Variants in HERPUD2 observed in about 807,000 individuals in gnomAD.
The protein encoded by HERPUD2 is homocysteine-responsive endoplasmic reticulum-resident ubiquitin-like domain member 2 protein.
In HERPUD2, 13 loss-of-function variants were observed where a neutral mutation model predicts 49.9. The observed-to-expected ratio is 0.26, with a 90% CI of 0.17 to 0.41. HERPUD2 has a LOEUF of 0.41. HERPUD2 is among the 10% of genes least tolerant of loss of function. The pLI is 1.00. For missense variants in HERPUD2, 449 were observed against 492.2 expected (o/e 0.91, Z 0.83); for synonymous variants, 172 against 171.4 (o/e 1.00, Z -0.03).
chr7:35,639,039 T>C (rs867304171), intron 5 of HERPUD2, among the ~76,000 whole-genome samples: 25 of 152,004 alleles, frequency 1.6e-4, no homozygotes, highest in Non-Finnish European at 2.2e-4. Context: ...ATTTCTTTTT[T>C]TTTTTTTGAG....
At chr7:35,633,915 T>A in intron 8 of HERPUD2, 64 bp from the exon 9 acceptor site, 2 of 1,481,792 alleles carry the variant, frequency 1.3e-6, no homozygotes, top group East Asian at 4.6e-5. Context: ...CATAATAGAA[T>A]ACAGTTAAAT....
chr7:35,684,158 G>A (rs1470526557), intron 2 of HERPUD2, among the ~76,000 whole-genome samples: 2 of 151,336 alleles, frequency 1.3e-5, no homozygotes, highest in Admixed American at 6.6e-5. Context: ...AGGCCGAGGC[G>A]GGTGGATCAT....
chr7:35,688,043 T>G (rs550858696), intron 2 of HERPUD2, among the ~76,000 whole-genome samples: 1 of 152,332 alleles, frequency 6.6e-6, no homozygotes, highest in South Asian at 2.1e-4. Flanking sequence ...ATCTTCAACT[T>G]ACAGGTTAGT....
chr7:35,687,542 T>C (rs1212903803), intron 2 of HERPUD2, among the ~76,000 whole-genome samples: 3 of 152,186 alleles, frequency 2.0e-5, no homozygotes, highest in African/African-American at 7.2e-5. Context: ...CCACTTCAAA[T>C]AAACAGCTGC....
Position 35,685,960 on chromosome 7 carries a change from C to CTAAA in HERPUD2, c.147+8220_147+8223dup, listed in dbSNP as rs1554317773. ...TGGACAACAGAGCGAGACCCTGTCT[C>CTAAA]TAAATAAATAAATAAATAAATAAAT... On this transcript the variant is annotated intron_variant, in intron 2 of 8. Coordinates refer to ENST00000311350, the MANE Select transcript of HERPUD2 (RefSeq NM_022373.5). Among the ~76,000 whole-genome samples the CTAAA allele has an allele frequency of 2.2e-3, 330 of 148,030 alleles. 2 individuals carry two copies. Among genetic ancestry groups the CTAAA allele is most frequent in the African/African-American group, 7.8e-3 (312 of 40,176 alleles).
At chr7:35,640,671 C>T (rs1465941128) in intron 5 of HERPUD2, among the ~76,000 whole-genome samples, 1 of 152,110 alleles carries the variant, frequency 6.6e-6, no homozygotes, top group African/African-American at 2.4e-5. Flanking sequence ...AGATGGTATG[C>T]ATTTGGTATT....
chr7:35,674,396 TATATATATAGAGAGAGAGAG>T (rs1210120615), intron 2 of HERPUD2, among the ~76,000 whole-genome samples: 6 of 59,688 alleles, frequency 1.0e-4, no homozygotes, highest in East Asian at 8.8e-4. Flanking sequence ...TATATATATA[TATATATATAGAGAGAGAGAG>T]AGAGAGAGAG....
At chr7:35,645,811 C>T (rs940702684) in intron 5 of HERPUD2, among the ~76,000 whole-genome samples, 3 of 152,168 alleles carry the variant, frequency 2.0e-5, no homozygotes, top group African/African-American at 7.2e-5. Flanking sequence ...CTTGTGTAAG[C>T]ACATTTTATC....
chr7:35,686,059 T>C (rs970106131), intron 2 of HERPUD2, among the ~76,000 whole-genome samples: 5 of 152,166 alleles, frequency 3.3e-5, no homozygotes, highest in Non-Finnish European at 7.3e-5. Context: ...AATTTTCAAC[T>C]AGTTATTTTG....
intron 2 of HERPUD2, among the ~76,000 whole-genome samples, chr7:35,682,225 AT>A (rs1785907228): frequency 7.7e-6 from 1 of 129,752 alleles, no homozygotes; most frequent in African/African-American, 3.1e-5. Flanking sequence ...GTGTGTGTGT[AT>A]ATATAGATAT....
chr7:35,680,376 C>T (rs1785854399), intron 2 of HERPUD2, among the ~76,000 whole-genome samples: 2 of 152,128 alleles, frequency 1.3e-5, no homozygotes, highest in African/African-American at 4.8e-5. Flanking sequence ...TCCCACTGCA[C>T]TCTAGCCTGG....
rs1212927487 is a variant in HERPUD2 at position 35,635,388 on chromosome 7, T to A, written c.688A>T (p.Asn230Tyr). 1 of 1,613,970 alleles carries A rather than the reference T, an allele frequency of 6.2e-7. No individual in the cohort carries two copies. The highest frequency in any genetic ancestry group is 1.3e-5 in the African/African-American group (1 of 74,894). ...PTQPTTSQPLNLAHVPGEEPP... is the reference protein window; with the variant it reads ...PTQPTTSQPLYLAHVPGEEPP... ...TCTTCTCCAGGAACATGTGCCAAAT[T>A]TAGAGGCTGTGAAGTAGTAGGCTGG... The change falls in exon 7 of 9, where the codon AAT becomes TAT. Residue 230 changes from asparagine to tyrosine, a missense_variant. Transcript: ENST00000311350.
At chr7:35,670,532 A>C (rs1440422664) in intron 3 of HERPUD2, among the ~76,000 whole-genome samples, 2 of 152,042 alleles carry the variant, frequency 1.3e-5, no homozygotes, top group African/African-American at 4.8e-5. Context: ...TACTTGGAAA[A>C]TGATCTAAAT....
chr7:35,683,513 A>T (rs1785960887), intron 2 of HERPUD2, among the ~76,000 whole-genome samples: 1 of 152,238 alleles, frequency 6.6e-6, no homozygotes. Context: ...TGCCTTAGGC[A>T]AGGATTTCAT....
intron 2 of HERPUD2, among the ~76,000 whole-genome samples, chr7:35,676,291 T>C (rs1868786): frequency 0.13 from 19,732 of 152,260 alleles, 1,535 homozygotes; most frequent in East Asian, 0.25. Flanking sequence ...GCTCAGCATA[T>C]TCCTGTAGTT....
chr7:35,670,442 T>G, intron 3 of HERPUD2, 114 bp from the exon 4 acceptor site: 1 of 411,830 alleles, frequency 2.4e-6, no homozygotes, highest in East Asian at 3.5e-5. Flanking sequence ...CCTAGCCATT[T>G]AATTACTGAT....
intron 5 of HERPUD2, among the ~76,000 whole-genome samples, chr7:35,664,346 G>C (rs1785492646): frequency 6.6e-6 from 1 of 152,048 alleles, no homozygotes; most frequent in Non-Finnish European, 1.5e-5. Context: ...TTCAACTTTG[G>C]TGAATCTGAC....
chr7:35,689,110 T>G (rs1487439944), intron 2 of HERPUD2, among the ~76,000 whole-genome samples: 3 of 152,122 alleles, frequency 2.0e-5, no homozygotes, highest in Non-Finnish European at 4.4e-5. Flanking sequence ...AAGCTAAAAG[T>G]TCTACAAAAA....
intron 5 of HERPUD2, among the ~76,000 whole-genome samples, chr7:35,648,282 A>T (rs1785092128): frequency 6.6e-6 from 1 of 152,194 alleles, no homozygotes; most frequent in African/African-American, 2.4e-5. Context: ...GTAATATTTC[A>T]CGGGAATAAA....
Sources: allele counts gnomAD v4.1 joint callset (sites outside exome capture counted in the v4.1 genomes callset), GRCh38; gene constraint gnomAD v4.1.1; transcripts MANE v1.5; gene names NCBI Gene and HGNC (gene_info 2026-07-23, HGNC 2026-07-21).